Variants in CFAP70 observed in about 807,000 individuals in gnomAD.
CFAP70 encodes cilia- and flagella-associated protein 70.
A neutral mutation model predicts 137.6 loss-of-function variants in CFAP70; 81 were observed. The ratio of observed to expected loss-of-function variants is 0.59; its 90% confidence interval spans 0.49 to 0.71. The LOEUF is 0.71. Among genes scored for constraint, CFAP70 ranks in the 30% least tolerant of loss-of-function variants. The pLI is 0.00. For missense variants in CFAP70, 976 were observed against 1,226.7 expected (o/e 0.80, Z 3.05); for synonymous variants, 382 against 423.6 (o/e 0.90, Z 1.20).
intron 15 of CFAP70, chr10:73,296,021 G>A (rs947246540): frequency 6.6e-6 from 1 of 152,176 alleles, no homozygotes; most frequent in Non-Finnish European, 1.5e-5. Flanking sequence ...CAACCAAGAA[G>A]TACTGAATGG....
intron 12 of CFAP70, among the ~76,000 whole-genome samples, chr10:73,305,669 A>T (rs944276729): frequency 1.3e-5 from 2 of 152,252 alleles, no homozygotes; most frequent in African/African-American, 4.8e-5. Flanking sequence ...GCTGAACACA[A>T]GTTACACCTT....
At chr10:73,353,510 G>C in intron 3 of CFAP70, 46 bp downstream of exon 3, 1 of 1,552,546 alleles carries the variant, frequency 6.4e-7, no homozygotes, top group East Asian at 2.3e-5. Context: ...ACATGATAGG[G>C]AAGAAGGCAA....
intron 8 of CFAP70, among the ~76,000 whole-genome samples, chr10:73,330,970 G>T (rs577760050): frequency 6.6e-6 from 1 of 152,192 alleles, no homozygotes; most frequent in South Asian, 2.1e-4. Context: ...CAATAATCCT[G>T]GTTTTTCCCA....
At chr10:73,357,374 T>G (rs2054759405) in intron 1 of CFAP70, among the ~76,000 whole-genome samples, 1 of 152,066 alleles carries the variant, frequency 6.6e-6, no homozygotes, top group Non-Finnish European at 1.5e-5. Flanking sequence ...TTGGAGGAAG[T>G]ACGCTGGAAC....
At chr10:73,280,524 T>C (rs1275285850) in intron 19 of CFAP70, among the ~76,000 whole-genome samples, 2 of 152,168 alleles carry the variant, frequency 1.3e-5, no homozygotes, top group African/African-American at 2.4e-5. Context: ...AAATATTTAA[T>C]AGAATACACT....
At chr10:73,306,942 A>G (rs2049428768) in intron 12 of CFAP70, among the ~76,000 whole-genome samples, 1 of 152,142 alleles carries the variant, frequency 6.6e-6, no homozygotes. Context: ...GAAAGCCAGT[A>G]TTATTGCACT....
intron 8 of CFAP70, among the ~76,000 whole-genome samples, chr10:73,326,684 T>G (rs889563680): frequency 6.6e-5 from 10 of 152,072 alleles, no homozygotes; most frequent in Admixed American, 5.9e-4. Flanking sequence ...AGATACAAAC[T>G]ACCATCAGAG....
At chr10:73,256,509 C>G in intron 25 of CFAP70, 93 bp from the exon 27 acceptor site, 2 of 1,317,390 alleles carry the variant, frequency 1.5e-6, no homozygotes, top group Non-Finnish European at 2.2e-6. Context: ...GGCACCTACA[C>G]CTAAGGCAGA....
intron 24 of CFAP70, 47 bp from the exon 26 acceptor site, chr10:73,269,762 A>G (rs1382394162): frequency 1.0e-5 from 12 of 1,171,952 alleles, no homozygotes; most frequent in Non-Finnish European, 1.0e-5. Context: ...TGAAACCACT[A>G]TGTCCCAATA....
chr10:73,274,500 A>C (rs1372866062), exon 23 of CFAP70: 1 of 1,614,080 alleles, frequency 6.2e-7, no homozygotes, highest in African/African-American at 1.3e-5. Context: ...AGCATCCACT[A>C]CAAAGCTAAT....
intron 3 of CFAP70, among the ~76,000 whole-genome samples, chr10:73,351,758 TC>T (rs1446693473): frequency 6.6e-6 from 1 of 152,236 alleles, no homozygotes; most frequent in African/African-American, 2.4e-5. Flanking sequence ...CAATTTGAGA[TC>T]TTCCAGTTTT....
At chr10:73,310,442 T>A (rs965064681) in intron 11 of CFAP70, among the ~76,000 whole-genome samples, 193 bp from the exon 13 acceptor site, 2 of 152,242 alleles carry the variant, frequency 1.3e-5, no homozygotes, top group African/African-American at 4.8e-5. Context: ...ACAGTGGTTA[T>A]CTCTTAGAGG....
chr10:73,294,584 A>G (rs1411922692), intron 15 of CFAP70: 1 of 152,226 alleles, frequency 6.6e-6, no homozygotes, highest in East Asian at 1.9e-4. Flanking sequence ...TCTTAGCTGG[A>G]GACCTTTAAT....
At chr10:73,340,689 T>C (rs2053167736) in intron 6 of CFAP70, among the ~76,000 whole-genome samples, 1 of 152,176 alleles carries the variant, frequency 6.6e-6, no homozygotes, top group African/African-American at 2.4e-5. Flanking sequence ...TGGAGGGGGA[T>C]CAAGGTGGCA....
chr10:73,303,501 A>G (rs890373325), intron 12 of CFAP70, among the ~76,000 whole-genome samples: 17 of 152,094 alleles, frequency 1.1e-4, no homozygotes, highest in African/African-American at 4.1e-4. Context: ...TACAGGTGTG[A>G]GCCACCACAC....
intron 3 of CFAP70, among the ~76,000 whole-genome samples, chr10:73,350,622 T>C (rs1360022083): frequency 6.6e-6 from 1 of 151,946 alleles, no homozygotes; most frequent in Non-Finnish European, 1.5e-5. Flanking sequence ...TATATATATA[T>C]TTTTTTTCTG....
chr10:73,330,877 T>A (rs2052002704), intron 8 of CFAP70, among the ~76,000 whole-genome samples: 1 of 152,338 alleles, frequency 6.6e-6, no homozygotes, highest in African/African-American at 2.4e-5. Flanking sequence ...ATGGTAAAAC[T>A]ATTGTGAAGG....
chr10:73,278,244 G>A, exon 20 of CFAP70: 1 of 1,614,008 alleles, frequency 6.2e-7, no homozygotes, highest in Non-Finnish European at 8.5e-7. Flanking sequence ...TGGATCCCAA[G>A]TTTGTGTAGT....
chr10:73,307,107 G>C (rs984377294), intron 12 of CFAP70, among the ~76,000 whole-genome samples: 18 of 152,128 alleles, frequency 1.2e-4, no homozygotes, highest in Admixed American at 1.1e-3. Flanking sequence ...TAGGAGCAGA[G>C]TGTATAGTAC....
Sources: gnomAD v4.1 joint callset for allele counts (sites outside exome capture counted in the v4.1 genomes callset) on GRCh38, gnomAD v4.1.1 for gene constraint, MANE v1.5 for transcripts, NCBI Gene and HGNC (gene_info 2026-07-23, HGNC 2026-07-21) for gene names.